PLA2G4C: variants seen among roughly 807,000 people sequenced by gnomAD.
PLA2G4C encodes the protein cytosolic phospholipase A2 gamma.
PLA2G4C carries 64 observed loss-of-function variants against 73.8 expected under a neutral mutation model. The observed-to-expected ratio is 0.87, with a 90% CI of 0.71 to 1.07. PLA2G4C has a LOEUF of 1.07. PLA2G4C is among the 50% of genes least tolerant of loss of function. PLA2G4C has a pLI of 0.00. For synonymous variants in PLA2G4C, 254 were observed against 252.1 expected (o/e 1.01, Z -0.07); for missense variants, 622 against 665.4 (o/e 0.93, Z 0.72).
At chr19:48,068,674 C>T (rs1344231761) in intron 12 of PLA2G4C, among the ~76,000 whole-genome samples, 1 of 150,604 alleles carries the variant, frequency 6.6e-6, no homozygotes, top group Non-Finnish European at 1.5e-5. Context: ...CCAGCCTGGG[C>T]ATTCCAGCCT....
At chr19:48,085,007 C>T (rs1025605669) in intron 10 of PLA2G4C, 52 bp downstream of exon 10, 48 of 1,292,848 alleles carry the variant, frequency 3.7e-5, no homozygotes, top group Admixed American at 2.2e-4. Context: ...CTGTGAATCT[C>T]CTTGCATAAA....
intron 14 of PLA2G4C, among the ~76,000 whole-genome samples, chr19:48,056,832 C>CA (rs34317694): frequency 0.6 from 50,372 of 83,626 alleles, 14,787 homozygotes; most frequent in East Asian, 0.85. Context: ...GACTCTGTCT[C>CA]AAAAAAAAAA....
chr19:48,109,708 G>A (rs2032393302), intron 1 of PLA2G4C, among the ~76,000 whole-genome samples: 1 of 152,020 alleles, frequency 6.6e-6, no homozygotes, highest in Admixed American at 6.5e-5. Flanking sequence ...GGAGTGCAGT[G>A]GCGCAGTCTC....
intron 6 of PLA2G4C, 114 bp from the exon 7 acceptor site, chr19:48,095,718 A>G: frequency 9.1e-7 from 1 of 1,097,274 alleles, no homozygotes. Context: ...GGAGAATGTT[A>G]GAGATGGACT....
intron 7 of PLA2G4C, among the ~76,000 whole-genome samples, chr19:48,094,203 C>T (rs894510367): frequency 6.6e-6 from 1 of 152,166 alleles, no homozygotes; most frequent in South Asian, 2.1e-4. Flanking sequence ...GAAGCTCTGA[C>T]CACCAATTAA....
chr19:48,106,408 C>G, intron 2 of PLA2G4C, 114 bp downstream of exon 2: 2 of 856,320 alleles, frequency 2.3e-6, no homozygotes, highest in Non-Finnish European at 3.9e-6. Context: ...CTCTTTCCAT[C>G]TATCTCCACC....
chr19:48,105,918 C>CTTT (rs1568457383), intron 2 of PLA2G4C, among the ~76,000 whole-genome samples: 3 of 18,122 alleles, frequency 1.7e-4, no homozygotes, highest in Non-Finnish European at 2.8e-4. Context: ...TCCCTCCCTC[C>CTTT]CTCCCTCCCT....
chr19:48,099,022 C>T (rs1408030300), intron 5 of PLA2G4C, among the ~76,000 whole-genome samples: 1 of 151,874 alleles, frequency 6.6e-6, no homozygotes, highest in East Asian at 1.9e-4. Context: ...ATCACTTGAA[C>T]CCAGTAGTTG....
chr19:48,072,220 G>A lies in PLA2G4C; in HGVS notation c.1006+2547C>T, dbSNP rs1158056591. On this transcript the variant is annotated intron_variant, in intron 12 of 16. Transcript: ENST00000599921. This position sits in a 1 kb window ranked among gnomAD's most constrained non-coding sequence, Gnocchi z 4.4. The stretch of plus-strand genomic sequence containing the variant: ...AAAAGAAAACTTTTTAAGGGATGGG[G>A]GTCTCACTCTGAGTGCAGTGGTGCA... 2 of 152,060 alleles carry A rather than the reference G, an allele frequency of 1.3e-5. No individual in the cohort carries two copies. The highest frequency in any genetic ancestry group is 2.1e-4 in the South Asian group (1 of 4,818). The allele number at this position is 152,060 out of a possible 1,614,324, so 9.4% of individuals were successfully genotyped here. A position where few individuals can be genotyped will look rare whatever the true frequency, so the allele number is the denominator to read the frequency against.
chr19:48,070,342 G>T (rs1448719748), intron 12 of PLA2G4C, among the ~76,000 whole-genome samples: 1 of 152,092 alleles, frequency 6.6e-6, no homozygotes, highest in Non-Finnish European at 1.5e-5. Context: ...AATGTGGGTG[G>T]GTCTCATCTA....
chr19:48,095,613 G>A lies in PLA2G4C; in HGVS notation c.569-9C>T. 1.2e-6 allele frequency: 2 copies of A among 1,613,872 alleles called. No homozygotes were observed. Among genetic ancestry groups the A allele is most frequent in the East Asian group, 4.5e-5 (2 of 44,876 alleles). On this transcript the variant is annotated splice_polypyrimidine_tract_variant and intron_variant, in intron 6 of 16. Transcript: ENST00000599921. Reference sequence around the variant, plus strand: ...GAACTCGAACCAGGTCTCTGCAGAGGAAATACAACGGCAAGTGAGTCCCAG... The same window carrying A: ...GAACTCGAACCAGGTCTCTGCAGAGAAAATACAACGGCAAGTGAGTCCCAG...
At chr19:48,067,173 G>GTT (rs71181638) in intron 13 of PLA2G4C, among the ~76,000 whole-genome samples, 69 of 144,946 alleles carry the variant, frequency 4.8e-4, no homozygotes, top group Non-Finnish European at 5.6e-4. Context: ...AATGTGTGTT[G>GTT]TTTTTTTTTT....
At chr19:48,049,939 T>G (rs1220663741) in intron 16 of PLA2G4C, among the ~76,000 whole-genome samples, 1 of 152,182 alleles carries the variant, frequency 6.6e-6, no homozygotes, top group Non-Finnish European at 1.5e-5. Context: ...ACTTTTTTCT[T>G]TGAGACGGAA....
intron 3 of PLA2G4C, among the ~76,000 whole-genome samples, chr19:48,105,102 A>C (rs1158893477): frequency 7.0e-6 from 1 of 143,512 alleles, no homozygotes; most frequent in Non-Finnish European, 1.5e-5. Flanking sequence ...AAAAAAAAAA[A>C]AAGAAAGAAA....
rs571131489 is a variant in PLA2G4C, at chr19:48,090,392, G to T, written c.735C>A (p.Asn245Lys). Reference protein sequence around the residue: ...LRGLWGSALGNTEVIREYIFD... With the variant: ...LRGLWGSALGKTEVIREYIFD... ...AAATGTATTCCCTAATGACTTCAGT[G>T]TTACCAAGAGCACTTCCCCATAAAC... Residue 245 changes from asparagine (N) to lysine (K), a missense_variant, in exon 8 of 17, where the codon AAC becomes AAA. Coordinates refer to ENST00000599921, the MANE Select transcript of PLA2G4C (RefSeq NM_003706.3). 1 of 1,612,554 alleles carries T rather than the reference G, an allele frequency of 6.2e-7. No individual in the cohort carries two copies. Among genetic ancestry groups the T allele is most frequent in the African/African-American group, 1.3e-5 (1 of 75,002 alleles).
chr19:48,077,256 A>C (rs2030226533), intron 11 of PLA2G4C, among the ~76,000 whole-genome samples: 1 of 152,164 alleles, frequency 6.6e-6, no homozygotes, highest in African/African-American at 2.4e-5. Flanking sequence ...AGGATACAAA[A>C]TCAATGTACA....
intron 16 of PLA2G4C, among the ~76,000 whole-genome samples, chr19:48,049,861 C>T (rs1967656067): frequency 6.6e-6 from 1 of 152,178 alleles, no homozygotes; most frequent in Non-Finnish European, 1.5e-5. Flanking sequence ...ACACCTTGAT[C>T]TTGGACTTCC....
intron 4 of PLA2G4C, 113 bp from the exon 5 acceptor site, chr19:48,099,973 C>A: frequency 3.1e-6 from 2 of 647,134 alleles, no homozygotes; most frequent in Non-Finnish European, 2.6e-6. Flanking sequence ...ATGGAGAGGG[C>A]GACACACAGA....
intron 10 of PLA2G4C, among the ~76,000 whole-genome samples, chr19:48,081,521 G>C (rs1255832304): frequency 2.0e-5 from 3 of 152,006 alleles, no homozygotes; most frequent in African/African-American, 7.3e-5. Flanking sequence ...ACTTTGGGAG[G>C]CCGAGGCAGG....
Sources: allele counts gnomAD v4.1 joint callset (sites outside exome capture counted in the v4.1 genomes callset), GRCh38; gene constraint gnomAD v4.1.1; non-coding constraint Gnocchi (gnomAD v3.1); transcripts MANE v1.5; gene names NCBI Gene and HGNC (gene_info 2026-07-23, HGNC 2026-07-21).